The following ANGPTL3 variants were observed in gnomAD, a reference collection of about 807,000 sequenced individuals.
ANGPTL3 encodes angiopoietin like 3, also known as angiopoietin-related protein 3.
ANGPTL3 carries 51 observed loss-of-function variants against 52.7 expected under a neutral mutation model. That is an observed-to-expected ratio of 0.97 (90% CI 0.77 to 1.22). ANGPTL3 has a LOEUF of 1.22. ANGPTL3 is among the 50% of genes most tolerant of loss of function. The probability of loss-of-function intolerance (pLI) is 0.00; values close to 1 mark genes in which losing one functional copy is unlikely to be tolerated. For missense variants in ANGPTL3, 506 were observed against 520.7 expected (o/e 0.97, Z 0.27); for synonymous variants, 185 against 179.8 (o/e 1.03, Z -0.23).
In ANGPTL3 at chr1:62,602,316, A is replaced by G; in HGVS notation, c.867A>G (p.Ile289Met). ...GSPWTLIQHRIDGSQNFNETW... is the reference protein window; with the variant it reads ...GSPWTLIQHRMDGSQNFNETW... Reference sequence around the variant, plus strand: ...CATGGACATTAATTCAACATCGAATAGATGGATCACAAAACTTCAATGAAA... The same window carrying G: ...CATGGACATTAATTCAACATCGAATGGATGGATCACAAAACTTCAATGAAA... Residue 289 changes from isoleucine to methionine, a missense_variant, in exon 5 of 7, where the codon ATA (isoleucine) becomes ATG (methionine). Transcript: ENST00000371129. The G allele has an allele frequency of 6.2e-7, 1 of 1,610,794 alleles. No homozygotes were observed. The highest frequency in any genetic ancestry group is 8.5e-7 in the Non-Finnish European group (1 of 1,177,652).
At chr1:62,598,961 C>G (rs74524118) in intron 2 of ANGPTL3, among the ~76,000 whole-genome samples, 155 bp downstream of exon 2, 8 of 152,186 alleles carry the variant, frequency 5.3e-5, no homozygotes, top group Admixed American at 2.0e-4. Flanking sequence ...AATAAACTAC[C>G]TGCATTTAAA....
rs779071619 is a variant in ANGPTL3 at position 62,597,764 on chromosome 1, C to A, written c.198C>A (p.Gly66=). ...AAGACTTTGTCCATAAGACGAAGGG[C>A]CAAATTAATGACATATTTCAAAAAC... ...GLKDFVHKTK[G]QINDIFQKLN... is the part of the protein sequence containing the mutation. The change falls in exon 1 of 7, where the codon GGC becomes GGA. Residue 66 remains glycine, a synonymous_variant. Transcript: ENST00000371129. The A allele has an allele frequency of 1.2e-6, 2 of 1,613,368 alleles. No homozygotes were observed. Among genetic ancestry groups the A allele is most frequent in the Non-Finnish European group, 1.7e-6 (2 of 1,179,644 alleles).
At position 62,604,967 on chromosome 1, in the gene ANGPTL3, C is replaced by A; in HGVS notation, c.*150C>A. 1 of 730,096 alleles carries A rather than the reference C, an allele frequency of 1.4e-6. No individual in the cohort carries two copies. Among genetic ancestry groups the A allele is most frequent in the Non-Finnish European group, 2.3e-6 (1 of 441,156 alleles). The allele number at this position is 730,096 out of a possible 1,614,324, so 45.2% of individuals were successfully genotyped here. A position where few individuals can be genotyped will look rare whatever the true frequency, so the allele number is the denominator to read the frequency against. On this transcript the variant is annotated 3_prime_UTR_variant, in exon 7 of 7. Transcript: ENST00000371129. ...CACTGTCTATTTAAGATTAAACATA[C>A]AATCACATAACCTTAAAGAATACCG...
chr1:62,604,562 T>TA (rs1650665242), intron 6 of ANGPTL3, 71 bp from the exon 7 acceptor site: 5 of 1,469,136 alleles, frequency 3.4e-6, no homozygotes, highest in Non-Finnish European at 4.8e-6. Flanking sequence ...AAGATAAACT[T>TA]ACGGGGAAAT....
intron 1 of ANGPTL3, 144 bp from the exon 2 acceptor site, chr1:62,598,549 AAAG>A: frequency 1.6e-6 from 1 of 619,120 alleles, no homozygotes; most frequent in Non-Finnish European, 2.9e-6. Flanking sequence ...GTGCTATTTG[AAAG>A]AAGCATACAA....
At position 62,597,867 on chromosome 1, in the gene ANGPTL3, A is replaced by G. The variant is rs780001260; in HGVS notation, c.301A>G (p.Arg101Gly). 1 of 1,594,564 alleles carries G rather than the reference A, an allele frequency of 6.3e-7. No individual in the cohort carries two copies. The highest frequency in any genetic ancestry group is 1.8e-5 in the Admixed American group (1 of 56,278). Residue 101 changes from arginine (R) to glycine (G), a missense_variant, in exon 1 of 7, where the codon AGA becomes GGA. Coordinates refer to ENST00000371129, the MANE Select transcript of ANGPTL3 (RefSeq NM_014495.4). ...EIKEEEKELRRTTYKLQVKNE... is the reference protein window; with the variant it reads ...EIKEEEKELRGTTYKLQVKNE... ...CAAAGAAGAAGAAAAGGAACTGAGA[A>G]GAACTACATATAAACTACAAGTCAA...
chr1:62,601,226 A>C (rs781293662), intron 3 of ANGPTL3, 30 bp downstream of exon 3: 6 of 1,406,458 alleles, frequency 4.3e-6, no homozygotes, highest in Admixed American at 1.7e-5. Context: ...TTCCTTCTTG[A>C]AGCTATTATT....
At chr1:62,600,556 C>T (rs910731000) in intron 2 of ANGPTL3, among the ~76,000 whole-genome samples, 1 of 151,732 alleles carries the variant, frequency 6.6e-6, no homozygotes, top group Non-Finnish European at 1.5e-5. Flanking sequence ...GCTAAACTAA[C>T]GATAAACTAC....
chr1:62,603,758 T>C (rs1251673275), intron 5 of ANGPTL3, among the ~76,000 whole-genome samples: 2 of 151,878 alleles, frequency 1.3e-5, no homozygotes, highest in Non-Finnish European at 2.9e-5. Flanking sequence ...AATCAGACTT[T>C]CAGTTATATT....
chr1:62,604,072 T>C lies in ANGPTL3; in HGVS notation c.1035T>C (p.Ile345=). 6.2e-7 allele frequency: 1 copy of C among 1,613,358 alleles called. No individual in the cohort carries two copies. Among genetic ancestry groups the C allele is most frequent in the Non-Finnish European group, 8.5e-7 (1 of 1,179,458 alleles). ...ACTGGAAAGACAACAAACATTATAT[T>C]GAATATTCTTTTTACTTGGGAAATC... ...LEDWKDNKHY[I]EYSFYLGNHE... The change falls in exon 6 of 7, where the codon ATT becomes ATC. Residue 345 remains isoleucine, a synonymous_variant. Coordinates refer to ENST00000371129, the MANE Select transcript of ANGPTL3 (RefSeq NM_014495.4).
At chr1:62,598,546 T>C in intron 1 of ANGPTL3, 150 bp from the exon 2 acceptor site, 1 of 615,436 alleles carries the variant, frequency 1.6e-6, no homozygotes, top group East Asian at 2.9e-5. Flanking sequence ...TATGTGCTAT[T>C]TGAAAGAAGC....
At position 62,598,074 on chromosome 1, in the gene ANGPTL3, TAA is replaced by T; in HGVS notation, c.495+15_495+16del. On this transcript the variant is annotated intron_variant, in intron 1 of 6. Transcript: ENST00000371129. ...AACTTCACTTAAAGTAAGTAGAAAA[TAA>T]AGAGGGTTCATGTTTATGTTTTCAA... is the stretch of plus-strand genomic sequence containing the variant. The T allele has an allele frequency of 1.3e-6, 2 of 1,572,818 alleles. No individual in the cohort carries two copies. Among genetic ancestry groups the T allele is most frequent in the East Asian group, 2.3e-5 (1 of 43,944 alleles).
At position 62,597,699 on chromosome 1, in the gene ANGPTL3, A is replaced by G. The variant is rs1032082501; in HGVS notation, c.133A>G (p.Ile45Val). The G allele has an allele frequency of 6.2e-7, 1 of 1,613,448 alleles. No homozygotes were observed. The highest frequency in any genetic ancestry group is 1.3e-5 in the African/African-American group (1 of 74,876). The change falls in exon 1 of 7, where the codon ATT (isoleucine) becomes GTT (valine). Residue 45 changes from isoleucine (I) to valine (V), a missense_variant. By Grantham distance (29) the Ile-to-Val change is conservative. Coordinates refer to ENST00000371129, the MANE Select transcript of ANGPTL3 (RefSeq NM_014495.4). Reference sequence around the variant, plus strand: ...ATTTGCTATGTTAGACGATGTAAAAATTTTAGCCAATGGCCTCCTTCAGTT... The same window carrying G: ...ATTTGCTATGTTAGACGATGTAAAAGTTTTAGCCAATGGCCTCCTTCAGTT... ...SRFAMLDDVK[I>V]LANGLLQLGH...
chr1:62,602,099 T>G (rs1016095138), intron 4 of ANGPTL3, among the ~76,000 whole-genome samples, 186 bp from the exon 5 acceptor site: 1 of 151,724 alleles, frequency 6.6e-6, no homozygotes, highest in Non-Finnish European at 1.5e-5. Flanking sequence ...AAGTTTACTA[T>G]GCCAAAATTC....
Position 62,603,986 on chromosome 1 carries a change from C to CT in ANGPTL3, c.950dup (p.Glu318ArgfsTer11), listed in dbSNP as rs752195182. The stretch of plus-strand genomic sequence containing the variant: ...CTTTTCAGGAGAATTTTGGTTGGGC[C>CT]TAGAGAAGATATACTCCATAGTGAA... On this transcript the variant is annotated frameshift_variant, in exon 6 of 7. Coordinates refer to ENST00000371129, the MANE Select transcript of ANGPTL3 (RefSeq NM_014495.4). LOFTEE classifies it high-confidence loss of function. The CT allele has an allele frequency of 3.7e-6, 6 of 1,612,732 alleles. No homozygotes were observed. The East Asian group carries it at 1.3e-4, about 36-fold the overall frequency.
intron 5 of ANGPTL3, among the ~76,000 whole-genome samples, chr1:62,602,967 A>G (rs1231241370): frequency 6.6e-6 from 1 of 151,740 alleles, no homozygotes; most frequent in Non-Finnish European, 1.5e-5. Flanking sequence ...AAAAGCACAT[A>G]CAAAAATCCA....
At chr1:62,598,455 C>T (rs996166998) in intron 1 of ANGPTL3, among the ~76,000 whole-genome samples, 2 of 151,894 alleles carry the variant, frequency 1.3e-5, no homozygotes, top group African/African-American at 4.8e-5. Context: ...TGAAAATATG[C>T]TGGGCTTTTT....
chr1:62,597,562 T>TA lies in ANGPTL3; in HGVS notation c.1dup. The TA allele has an allele frequency of 6.2e-7, 1 of 1,612,370 alleles. No homozygotes were observed. Among genetic ancestry groups the TA allele is most frequent in the Non-Finnish European group, 8.5e-7 (1 of 1,179,128 alleles). On this transcript the variant is annotated 5_prime_UTR_variant, in exon 1 of 7. Coordinates refer to ENST00000371129, the MANE Select transcript of ANGPTL3 (RefSeq NM_014495.4). ...CGTTGCTTGAAATTGAAAATCAAGA[T>TA]AAAAATGTTCACAATTAAGCTCCTT...
At chr1:62,601,525 C>T (rs528123846) in intron 3 of ANGPTL3, among the ~76,000 whole-genome samples, 2 of 151,520 alleles carry the variant, frequency 1.3e-5, no homozygotes, top group Non-Finnish European at 3.0e-5. Flanking sequence ...CACTGGACTC[C>T]AGACTGGTGA....
Sources: gnomAD v4.1 joint callset for allele counts (sites outside exome capture counted in the v4.1 genomes callset) on GRCh38, gnomAD v4.1.1 for gene constraint, MANE v1.5 for transcripts, NCBI Gene and HGNC (gene_info 2026-07-23, HGNC 2026-07-21) for gene names.